The following NOTUM variants were observed in gnomAD, a reference collection of about 807,000 sequenced individuals.
The protein encoded by NOTUM is palmitoleoyl-protein carboxylesterase NOTUM.
NOTUM carries 36 observed loss-of-function variants against 65.5 expected under a neutral mutation model. The ratio of observed to expected loss-of-function variants is 0.55; its 90% CI spans 0.42 to 0.73. The LOEUF is 0.73. Ranked by LOEUF, NOTUM falls within the 30% of genes least tolerant of loss-of-function variation. The pLI is 0.00. For synonymous variants in NOTUM, 356 were observed against 297.9 expected (o/e 1.20, Z -2.01); for missense variants, 659 against 694.2 (o/e 0.95, Z 0.57).
chr17:81,960,723 T>A lies in NOTUM; in HGVS notation c.187A>T (p.Met63Leu). The A allele has an allele frequency of 1.2e-6, 2 of 1,603,668 alleles. No individual in the cohort carries two copies. Residue 63 changes from methionine to leucine, a missense_variant, in exon 1 of 11, where the codon ATG becomes TTG. By Grantham distance (15) the Met-to-Leu change is conservative. Transcript: ENST00000409678. The surrounding 1 kb of genome is among the most constrained non-coding windows in gnomAD (Gnocchi z 6.4). ...PLDFTAVEGN[M>L]DSFMAQVKSL... The stretch of plus-strand genomic sequence containing the variant: ...TTGACTTGCGCCATGAAGCTGTCCA[T>A]GTTACCCTCCACGGCCGTGAAGTCC...
At chr17:81,956,058 C>CA (rs1567938213) in intron 8 of NOTUM, among the ~76,000 whole-genome samples, 1 of 152,162 alleles carries the variant, frequency 6.6e-6, no homozygotes, top group East Asian at 1.9e-4. Flanking sequence ...TTCCTTCTTT[C>CA]AAACCAGCCT....
chr17:81,952,962 T>C lies in NOTUM; in HGVS notation c.1490A>G (p.Ter497TrpextTer79). 9 of 1,613,520 alleles carry C rather than the reference T, an allele frequency of 5.6e-6. No homozygotes were observed. The highest frequency in any genetic ancestry group is 7.6e-6 in the Non-Finnish European group (9 of 1,179,788). ...ELLGMLSNGS[*>W] Reference sequence around the variant, plus strand: ...CGGCTCCTCCTCCAGACAGTCTGCCTAGCTTCCGTTGCTCAGCATCCCCAG... The same window carrying C: ...CGGCTCCTCCTCCAGACAGTCTGCCCAGCTTCCGTTGCTCAGCATCCCCAG... Residue 497 changes from the stop codon to tryptophan, a stop_lost, in exon 11 of 11, where the codon TAG (stop) becomes TGG (tryptophan). Coordinates refer to ENST00000409678, the MANE Select transcript of NOTUM (RefSeq NM_178493.6).
chr17:81,953,308 T>G, intron 10 of NOTUM, 41 bp from the exon 11 acceptor site: 2 of 1,376,096 alleles, frequency 1.5e-6, no homozygotes, highest in Non-Finnish European at 2.0e-6. Context: ...ATGTGCGGAG[T>G]GGCATCAACA....
At position 81,960,068 on chromosome 17, in the gene NOTUM, G is replaced by C. The variant is rs2041462766; in HGVS notation, c.324-376C>G. 6.6e-6 allele frequency among the ~76,000 whole-genome samples: 1 copy of C among 152,004 alleles called. No individual in the cohort carries two copies. The highest frequency in any genetic ancestry group is 2.1e-4 in the South Asian group (1 of 4,830). Reference sequence around the variant, plus strand: ...GAACGGGACGCCGCGGGGAGCGCGGGAGGCGCGGGCGGCACCGACCCGGCG... The same window carrying C: ...GAACGGGACGCCGCGGGGAGCGCGGCAGGCGCGGGCGGCACCGACCCGGCG... On this transcript the variant is annotated intron_variant, in intron 1 of 10. Transcript: ENST00000409678. The surrounding 1 kb of genome is among the most constrained non-coding windows in gnomAD (Gnocchi z 6.4).
intron 6 of NOTUM, 53 bp from the exon 7 acceptor site, chr17:81,957,127 C>T: frequency 1.4e-6 from 2 of 1,477,534 alleles, no homozygotes; most frequent in East Asian, 2.3e-5. Context: ...GCACTCACCT[C>T]CCCCGAGTCT....
At chr17:81,958,415 G>C (rs778253011) in intron 4 of NOTUM, 22 bp from the exon 5 acceptor site, 2 of 1,576,876 alleles carry the variant, frequency 1.3e-6, no homozygotes, top group African/African-American at 1.3e-5. Flanking sequence ...AACAGAGTGA[G>C]CCTGTCACAG....
rs534679133 is a variant in NOTUM, at chr17:81,959,696, CG to C, written c.324-5del. On this transcript the variant is annotated splice_region_variant and splice_polypyrimidine_tract_variant and intron_variant, in intron 1 of 10. Coordinates refer to ENST00000409678, the MANE Select transcript of NOTUM (RefSeq NM_178493.6). ...CCTGGACTCCTTCAGGTAGTAGCTG[CG>C]GGGGAGGACGCACCGCGGGGGGTCG... 3.4e-6 allele frequency: 5 copies of C among 1,463,188 alleles called. No homozygotes were observed. The highest frequency in any genetic ancestry group is 2.4e-4 in the Middle Eastern group (1 of 4,096). The allele number at this position is 1,463,188 out of a possible 1,614,324, so 90.6% of individuals were successfully genotyped here. A position where few individuals can be genotyped will look rare whatever the true frequency, so the allele number is the denominator to read the frequency against.
At chr17:81,953,471 AT>A (rs1187179837) in intron 10 of NOTUM, among the ~76,000 whole-genome samples, 3 of 141,654 alleles carry the variant, frequency 2.1e-5, no homozygotes, top group Non-Finnish European at 4.6e-5. Flanking sequence ...AATTTTTTGT[AT>A]TTTCAGTAGA....
At chr17:81,959,987 G>C (rs970378671) in intron 1 of NOTUM, among the ~76,000 whole-genome samples, 4 of 151,856 alleles carry the variant, frequency 2.6e-5, no homozygotes, top group Admixed American at 2.6e-4. Context: ...CCCGGGGCGC[G>C]CGGCGGCGCT....
intron 3 of NOTUM, 130 bp downstream of exon 3, chr17:81,959,341 C>T: frequency 1.4e-6 from 1 of 704,684 alleles, no homozygotes; most frequent in Non-Finnish European, 2.4e-6. Flanking sequence ...GCGCCCCTTG[C>T]TCTTAGTAAA....
Position 81,958,383 on chromosome 17 carries a change from A to G in NOTUM, c.544T>C (p.Tyr182His). The G allele has an allele frequency of 6.2e-7, 1 of 1,609,424 alleles. No individual in the cohort carries two copies. The highest frequency in any genetic ancestry group is 8.5e-7 in the Non-Finnish European group (1 of 1,177,326). Residue 182 changes from tyrosine to histidine, a missense_variant, in exon 5 of 11, where the codon TAC (tyrosine) becomes CAC (histidine). Transcript: ENST00000409678. ...WWNANMVFIP[Y>H]CSSDVWSGAS... ...CCGCTCCAAACATCACTGGAGCAGT[A>G]GGGGATGAAGCTGCAACACAGAACA...
rs910928649 is a variant in NOTUM at position 81,960,231 on chromosome 17, C to T, written c.323+356G>A. On this transcript the variant is annotated intron_variant, in intron 1 of 10. Coordinates refer to ENST00000409678, the MANE Select transcript of NOTUM (RefSeq NM_178493.6). This position sits in a 1 kb window ranked among gnomAD's most constrained non-coding sequence, Gnocchi z 6.4. ...ACGTCTTTTATCTACTTCGGGGCTG[C>T]AAGGAGGTGGGCAGCGGGCCTCTCC... Among the ~76,000 whole-genome samples the T allele has an allele frequency of 3.9e-5, 6 of 152,196 alleles. No homozygotes were observed. The highest frequency in any genetic ancestry group is 1.4e-4 in the African/African-American group (6 of 41,446).
Position 81,960,030 on chromosome 17 carries a change from G to A in NOTUM, c.324-338C>T, listed in dbSNP as rs2041462361. Among the ~76,000 whole-genome samples the A allele has an allele frequency of 6.6e-6, 1 of 152,006 alleles. No individual in the cohort carries two copies. Among genetic ancestry groups the A allele is most frequent in the South Asian group, 2.1e-4 (1 of 4,832 alleles). ...TGAAACGCGTCCGCACTGAAGGAGCGCGCTTGGCGGGGGAACGGGACGCCG... is the reference window on the plus strand; with the variant it reads ...TGAAACGCGTCCGCACTGAAGGAGCACGCTTGGCGGGGGAACGGGACGCCG... On this transcript the variant is annotated intron_variant, in intron 1 of 10. Transcript: ENST00000409678. The surrounding 1 kb of genome is among the most constrained non-coding windows in gnomAD (Gnocchi z 6.4).
intron 9 of NOTUM, 88 bp downstream of exon 9, chr17:81,955,305 TCTGG>T: frequency 1.7e-6 from 2 of 1,200,214 alleles, no homozygotes; most frequent in Admixed American, 2.6e-5. Context: ...TTTTTTTTGT[TCTGG>T]TTTTTCTTCT....
At chr17:81,955,986 C>T (rs556734314) in intron 8 of NOTUM, among the ~76,000 whole-genome samples, 15 of 152,196 alleles carry the variant, frequency 9.9e-5, no homozygotes, top group African/African-American at 3.4e-4. Context: ...GGCTCACAGG[C>T]CAGCTAGCCT....
chr17:81,955,577 T>G, intron 8 of NOTUM, 33 bp from the exon 9 acceptor site: 1 of 1,177,966 alleles, frequency 8.5e-7, no homozygotes, highest in Non-Finnish European at 1.2e-6. Flanking sequence ...CGGCCTCCCC[T>G]GACCCCCGCT....
chr17:81,954,239 G>T lies in NOTUM; in HGVS notation c.1184+17C>A. 6.2e-7 allele frequency: 1 copy of T among 1,600,430 alleles called. No individual in the cohort carries two copies. Among genetic ancestry groups the T allele is most frequent in the Non-Finnish European group, 8.6e-7 (1 of 1,167,564 alleles). ...TTGATGTCATGGACGCAAGCTGCCC[G>T]GAGCAGGGACACTGACCTCCGGATG... is the stretch of plus-strand genomic sequence containing the variant. On this transcript the variant is annotated intron_variant, in intron 10 of 10. Coordinates refer to ENST00000409678, the MANE Select transcript of NOTUM (RefSeq NM_178493.6).
chr17:81,959,473 G>T lies in NOTUM; in HGVS notation c.470C>A (p.Thr157Lys). The stretch of plus-strand genomic sequence containing the variant: ...CTTCCCCAGGGCCCGCCGCTGACCT[G>T]TGCGAGTGCGCGGCCAGTCCCGGGA... ...MSSRDWPRTR[T>K]GTGILSSQPE... Residue 157 changes from threonine (T) to lysine (K), a missense_variant and splice_region_variant, in exon 3 of 11, where the codon ACA becomes AAA. Physicochemically the swap from Thr to Lys is moderately conservative, Grantham distance 78. Transcript: ENST00000409678. 1 of 1,546,494 alleles carries T rather than the reference G, an allele frequency of 6.5e-7. No individual in the cohort carries two copies. Among genetic ancestry groups the T allele is most frequent in the Non-Finnish European group, 8.7e-7 (1 of 1,145,640 alleles).
intron 10 of NOTUM, among the ~76,000 whole-genome samples, chr17:81,953,557 G>A (rs991971810): frequency 3.3e-5 from 5 of 152,056 alleles, no homozygotes; most frequent in African/African-American, 1.2e-4. Context: ...GCCTCCCAAA[G>A]TGCTGAGATA....
Sources: allele counts gnomAD v4.1 joint callset (sites outside exome capture counted in the v4.1 genomes callset), GRCh38; gene constraint gnomAD v4.1.1; non-coding constraint Gnocchi (gnomAD v3.1); transcripts MANE v1.5; gene names NCBI Gene and HGNC (gene_info 2026-07-23, HGNC 2026-07-21).